Variants in SLC35F1 observed in about 807,000 individuals in gnomAD.
SLC35F1 encodes solute carrier family 35 member F1.
In SLC35F1, 14 loss-of-function variants were observed where a neutral mutation model predicts 48.7. The ratio of observed to expected loss-of-function variants is 0.29; its 90% CI spans 0.19 to 0.45. SLC35F1 has a LOEUF of 0.45. SLC35F1 is among the 20% of genes least tolerant of loss of function. The pLI, the probability that SLC35F1 is intolerant of heterozygous loss-of-function variation, is 1.00. For missense variants in SLC35F1, 404 were observed against 500.0 expected, an observed-to-expected ratio of 0.81 and a Z score of 1.83; for synonymous variants, 190 against 202.2, an observed-to-expected ratio of 0.94 and a Z score of 0.51.
chr6:118,310,460 CA>C (rs1776360005), intron 7 of SLC35F1, among the ~76,000 whole-genome samples: 1 of 151,990 alleles, frequency 6.6e-6, no homozygotes, highest in East Asian at 1.9e-4. Context: ...AGCCCTGATT[CA>C]ATTTTCTTTT....
At chr6:118,033,770 C>T (rs1772087089) in intron 1 of SLC35F1, among the ~76,000 whole-genome samples, 1 of 152,154 alleles carries the variant, frequency 6.6e-6, no homozygotes, top group Admixed American at 6.6e-5. Flanking sequence ...CTTACATAAT[C>T]AGTGTTACCC....
chr6:118,239,009 C>T (rs1775402798), intron 3 of SLC35F1, among the ~76,000 whole-genome samples: 1 of 151,862 alleles, frequency 6.6e-6, no homozygotes, highest in East Asian at 1.9e-4. Flanking sequence ...AATGTCTGTA[C>T]ACCCAGTGTA....
At chr6:117,997,868 A>G (rs959689554) in intron 1 of SLC35F1, among the ~76,000 whole-genome samples, 9 of 152,206 alleles carry the variant, frequency 5.9e-5, no homozygotes, top group African/African-American at 1.9e-4. Context: ...TGCATCAACT[A>G]ACGAGCAAAA....
At chr6:118,075,146 T>TTGGATAG (rs1357576524) in intron 1 of SLC35F1, among the ~76,000 whole-genome samples, 3 of 152,214 alleles carry the variant, frequency 2.0e-5, no homozygotes, top group Non-Finnish European at 4.4e-5. Context: ...TCAGAAGAAT[T>TTGGATAG]TGGATAGTTA....
intron 7 of SLC35F1, among the ~76,000 whole-genome samples, chr6:118,295,965 C>T (rs1264802990): frequency 2.0e-5 from 3 of 152,128 alleles, no homozygotes; most frequent in African/African-American, 7.2e-5. Flanking sequence ...TTTGAGGCTT[C>T]GTCTTGCTGA....
intron 1 of SLC35F1, among the ~76,000 whole-genome samples, chr6:117,928,363 C>G (rs1284859435): frequency 1.3e-5 from 2 of 152,046 alleles, no homozygotes; most frequent in Non-Finnish European, 2.9e-5. Context: ...TTTCTGTATC[C>G]AGAGCCTTGG....
intron 1 of SLC35F1, among the ~76,000 whole-genome samples, chr6:118,019,744 T>C (rs1407870040): frequency 6.6e-6 from 1 of 152,264 alleles, no homozygotes; most frequent in Admixed American, 6.5e-5. Flanking sequence ...TGAAACATTC[T>C]TGCGAATATA....
At chr6:118,068,353 T>G (rs1329689938) in intron 1 of SLC35F1, among the ~76,000 whole-genome samples, 1 of 152,222 alleles carries the variant, frequency 6.6e-6, no homozygotes. Context: ...GCAGTATGGT[T>G]TCTGTGAAAG....
At chr6:117,993,422 T>C (rs4946314) in intron 1 of SLC35F1, among the ~76,000 whole-genome samples, 55,203 of 152,048 alleles carry the variant, frequency 0.36, 10,699 homozygotes, top group South Asian at 0.51. Flanking sequence ...TAATAATAGT[T>C]TCCTATTTTC....
At chr6:118,165,233 C>T (rs1256775325) in intron 2 of SLC35F1, among the ~76,000 whole-genome samples, 3 of 152,194 alleles carry the variant, frequency 2.0e-5, no homozygotes, top group African/African-American at 4.8e-5. Context: ...AGAATTACTT[C>T]CCACCCTTTC....
rs558360468 is a variant in SLC35F1, at chr6:117,919,248, T to TCA, written c.173+11349_173+11350insCA. On this transcript the variant is annotated intron_variant, in intron 1 of 7. Transcript: ENST00000360388. ...AGGTTTTATGTCTGGTCCACTGGAG[T>TCA]GATGGTGTCCCCTTTAGCCTGTGTC... Among the ~76,000 whole-genome samples the TCA allele has an allele frequency of 2.0e-3, 308 of 152,184 alleles. 1 individual carries two copies. The highest frequency in any genetic ancestry group is 3.8e-3 in the Non-Finnish European group (257 of 68,004).
chr6:118,233,509 C>T (rs1232659704), intron 2 of SLC35F1, among the ~76,000 whole-genome samples: 1 of 152,220 alleles, frequency 6.6e-6, no homozygotes, highest in African/African-American at 2.4e-5. Context: ...AGCACTGGCT[C>T]TTGACATATT....
chr6:117,954,263 C>CT (rs936547754), intron 1 of SLC35F1, among the ~76,000 whole-genome samples: 20 of 151,004 alleles, frequency 1.3e-4, no homozygotes, highest in Middle Eastern at 3.4e-3. Flanking sequence ...TTTTCTTTTT[C>CT]TTTTTTTTTG....
intron 2 of SLC35F1, among the ~76,000 whole-genome samples, chr6:118,172,027 C>T (rs1774412361): frequency 6.6e-6 from 1 of 151,950 alleles, no homozygotes; most frequent in African/African-American, 2.4e-5. Flanking sequence ...TTAATACTAC[C>T]CAAGCCTGGC....
intron 2 of SLC35F1, among the ~76,000 whole-genome samples, chr6:118,222,862 T>C (rs1775168847): frequency 1.3e-5 from 2 of 152,350 alleles, no homozygotes; most frequent in South Asian, 2.1e-4. Context: ...GAGTGCCTCA[T>C]TGCTATTTTG....
At chr6:118,114,632 T>C (rs950957630) in intron 1 of SLC35F1, among the ~76,000 whole-genome samples, 2 of 152,068 alleles carry the variant, frequency 1.3e-5, no homozygotes, top group Non-Finnish European at 2.9e-5. Flanking sequence ...CACCTTGGCC[T>C]CCCAAAGTGC....
intron 1 of SLC35F1, among the ~76,000 whole-genome samples, chr6:117,980,255 A>G (rs1054150523): frequency 4.6e-5 from 7 of 152,070 alleles, no homozygotes; most frequent in African/African-American, 1.7e-4. Flanking sequence ...GACCTCCAAA[A>G]CCTCTGCTAA....
At chr6:118,061,848 A>G (rs961891264) in intron 1 of SLC35F1, among the ~76,000 whole-genome samples, 23 of 152,058 alleles carry the variant, frequency 1.5e-4, no homozygotes, top group Admixed American at 1.3e-3. Context: ...GCAGTTCACA[A>G]TAGAGTCTGC....
At chr6:118,162,834 A>G (rs1774257592) in intron 2 of SLC35F1, among the ~76,000 whole-genome samples, 1 of 152,240 alleles carries the variant, frequency 6.6e-6, no homozygotes, top group Admixed American at 6.5e-5. Flanking sequence ...CATTCCATAC[A>G]TAAGCAGTGC....
Sources: gnomAD v4.1 joint callset for allele counts (sites outside exome capture counted in the v4.1 genomes callset) on GRCh38, gnomAD v4.1.1 for gene constraint, MANE v1.5 for transcripts, NCBI Gene and HGNC (gene_info 2026-07-23, HGNC 2026-07-21) for gene names.